The following MAD1L1 variants were observed in gnomAD, a reference collection of about 807,000 sequenced individuals.
The protein encoded by MAD1L1 is mitotic spindle assembly checkpoint protein MAD1.
A neutral mutation model predicts 96.9 loss-of-function variants in MAD1L1; 95 were observed. The ratio of observed to expected loss-of-function variants is 0.98; its 90% confidence interval spans 0.83 to 1.16. The LOEUF (loss-of-function observed/expected upper bound fraction) is 1.16. Ranked by LOEUF, MAD1L1 falls within the 50% of genes most tolerant of loss-of-function variation. MAD1L1 has a pLI of 0.00. For missense variants in MAD1L1, 1,007 were observed against 954.4 expected (o/e 1.06, Z -0.73); for synonymous variants, 473 against 396.6 (o/e 1.19, Z -2.29).
At chr7:1,909,762 G>GC (rs1426869253) in intron 17 of MAD1L1, among the ~76,000 whole-genome samples, 1 of 152,228 alleles carries the variant, frequency 6.6e-6, no homozygotes, top group Admixed American at 6.5e-5. Context: ...GCCTGCTGCT[G>GC]CCCCAAGAAG....
chr7:1,996,819 C>T (rs560064422), intron 14 of MAD1L1, among the ~76,000 whole-genome samples: 1 of 150,716 alleles, frequency 6.6e-6, no homozygotes, highest in South Asian at 2.1e-4. Context: ...GAAAATAAAG[C>T]TTCACTCCTC....
At chr7:2,087,880 C>T (rs3778956) in intron 11 of MAD1L1, among the ~76,000 whole-genome samples, 1 of 152,016 alleles carries the variant, frequency 6.6e-6, no homozygotes, top group Non-Finnish European at 1.5e-5. Flanking sequence ...CAAGACAGCA[C>T]GGCGCTAGCA....
intron 17 of MAD1L1, among the ~76,000 whole-genome samples, chr7:1,916,388 G>C (rs1458400103): frequency 6.6e-6 from 1 of 152,206 alleles, no homozygotes; most frequent in African/African-American, 2.4e-5. Flanking sequence ...GACTGGATGA[G>C]TGAATTGTGG....
At chr7:2,139,082 G>C (rs1179332500) in intron 11 of MAD1L1, among the ~76,000 whole-genome samples, 1 of 152,126 alleles carries the variant, frequency 6.6e-6, no homozygotes, top group Non-Finnish European at 1.5e-5. Context: ...CAGAGGCGAG[G>C]AGGAAGAGCA....
At chr7:2,027,115 TGAA>T (rs1284411826) in intron 12 of MAD1L1, among the ~76,000 whole-genome samples, 1 of 151,874 alleles carries the variant, frequency 6.6e-6, no homozygotes, top group African/African-American at 2.4e-5. Context: ...TTTGATAAAA[TGAA>T]GTTTTAAAAG....
intron 10 of MAD1L1, among the ~76,000 whole-genome samples, chr7:2,158,456 G>A (rs1789946259): frequency 6.6e-6 from 1 of 152,216 alleles, no homozygotes; most frequent in African/African-American, 2.4e-5. Context: ...CAGGGCCTAG[G>A]ACCACAGTCC....
intron 10 of MAD1L1, among the ~76,000 whole-genome samples, chr7:2,160,033 G>C (rs548116223): frequency 6.6e-6 from 1 of 151,850 alleles, no homozygotes; most frequent in African/African-American, 2.4e-5. Context: ...TTTCAGACCA[G>C]CCTAGGCAAC....
At chr7:2,196,810 C>T (rs936341626) in intron 10 of MAD1L1, among the ~76,000 whole-genome samples, 2 of 152,222 alleles carry the variant, frequency 1.3e-5, no homozygotes, top group African/African-American at 4.8e-5. Flanking sequence ...TCAATTCTAA[C>T]TCTCACTACA....
At chr7:2,008,894 A>T (rs1170380211) in intron 13 of MAD1L1, among the ~76,000 whole-genome samples, 1 of 152,194 alleles carries the variant, frequency 6.6e-6, no homozygotes, top group Non-Finnish European at 1.5e-5. Flanking sequence ...TCCCCAGGAG[A>T]GGCCAAGCCC....
At position 1,984,981 on chromosome 7, in the gene MAD1L1, C is replaced by G. The variant is rs549192283; in HGVS notation, c.1417-4440G>C. Among the ~76,000 whole-genome samples, 6 of 152,316 alleles carry G rather than the reference C, an allele frequency of 3.9e-5. No homozygotes were observed. The South Asian group carries it at 1.2e-3, about 32-fold the overall frequency. On this transcript the variant is annotated intron_variant, in intron 14 of 18. Coordinates refer to ENST00000265854, the MANE Select transcript of MAD1L1 (RefSeq NM_001013836.2). ...CAGCTTTGTTTCACACCGATACTTT[C>G]CTACTAGACAGTACCTACTGTATCT... is the stretch of plus-strand genomic sequence containing the variant.
At chr7:2,094,890 A>G (rs1029130427) in intron 11 of MAD1L1, among the ~76,000 whole-genome samples, 10 of 152,224 alleles carry the variant, frequency 6.6e-5, no homozygotes, top group African/African-American at 2.4e-4. Flanking sequence ...TCAGCTGATC[A>G]CGCTGTTTCC....
chr7:2,155,156 C>T (rs754065095), intron 10 of MAD1L1, among the ~76,000 whole-genome samples: 17 of 151,992 alleles, frequency 1.1e-4, no homozygotes, highest in Non-Finnish European at 1.8e-4. Flanking sequence ...TCCAAAAGGA[C>T]GAGGCTAAGA....
chr7:2,020,063 G>C (rs1584101577), intron 12 of MAD1L1, among the ~76,000 whole-genome samples: 1 of 152,248 alleles, frequency 6.6e-6, no homozygotes, highest in Non-Finnish European at 1.5e-5. Flanking sequence ...GAGGGAAGAG[G>C]ACTCAGCAGC....
At chr7:1,857,237 G>A (rs555053380) in intron 18 of MAD1L1, among the ~76,000 whole-genome samples, 65 of 152,336 alleles carry the variant, frequency 4.3e-4, no homozygotes, top group African/African-American at 1.5e-3. Flanking sequence ...CCACCAGGAG[G>A]CACGGCTGTC....
At chr7:1,824,569 C>T (rs950879429) in intron 18 of MAD1L1, among the ~76,000 whole-genome samples, 1 of 152,168 alleles carries the variant, frequency 6.6e-6, no homozygotes, top group African/African-American at 2.4e-5. Context: ...GTCCCCACCT[C>T]GCTGCAGCAG....
chr7:1,983,813 T>C (rs2128485624), intron 14 of MAD1L1, among the ~76,000 whole-genome samples: 1 of 152,282 alleles, frequency 6.6e-6, no homozygotes, highest in Admixed American at 6.5e-5. Context: ...ATGGTGATAC[T>C]TTCTATCAAT....
At chr7:2,131,373 T>G (rs574867880) in intron 11 of MAD1L1, among the ~76,000 whole-genome samples, 39 of 152,244 alleles carry the variant, frequency 2.6e-4, no homozygotes, top group Non-Finnish European at 5.1e-4. Flanking sequence ...TCAGTTCTAT[T>G]CATGGTGAGG....
chr7:2,130,394 C>G (rs909404612), intron 11 of MAD1L1, among the ~76,000 whole-genome samples: 4 of 152,232 alleles, frequency 2.6e-5, no homozygotes, highest in Admixed American at 2.0e-4. Flanking sequence ...CAGGGGCACA[C>G]CAGATGAACA....
chr7:2,019,463 G>A (rs1222630143), intron 12 of MAD1L1, among the ~76,000 whole-genome samples: 1 of 152,218 alleles, frequency 6.6e-6, no homozygotes, highest in African/African-American at 2.4e-5. Context: ...TGCACCCTTG[G>A]GCAAGGGACC....
Sources: allele counts gnomAD v4.1 joint callset (sites outside exome capture counted in the v4.1 genomes callset), GRCh38; gene constraint gnomAD v4.1.1; transcripts MANE v1.5; gene names NCBI Gene and HGNC (gene_info 2026-07-23, HGNC 2026-07-21).